Variants in RBMS3 observed in about 807,000 individuals in gnomAD.
RBMS3 encodes RNA-binding motif, single-stranded-interacting protein 3.
RBMS3 carries 27 observed loss-of-function variants against 66.8 expected under a neutral mutation model. That is an observed-to-expected ratio of 0.40 (90% CI 0.30 to 0.56). The LOEUF (loss-of-function observed/expected upper bound fraction) is 0.56. Among genes scored for constraint, RBMS3 ranks in the 20% least tolerant of loss-of-function variants. The probability of loss-of-function intolerance (pLI) is 0.40; values close to 1 mark genes in which losing one functional copy is unlikely to be tolerated. For missense variants in RBMS3, 513 were observed against 549.5 expected (o/e 0.93, Z 0.66); for synonymous variants, 188 against 183.0 (o/e 1.03, Z -0.22).
intron 1 of RBMS3, among the ~76,000 whole-genome samples, chr3:29,349,394 T>A (rs2036772086): frequency 6.6e-6 from 1 of 152,192 alleles, no homozygotes; most frequent in Non-Finnish European, 1.5e-5. Flanking sequence ...CCTTTCTACT[T>A]TGTGCCCAAA....
chr3:29,281,663 A>C lies in RBMS3; in HGVS notation c.-19A>C. ...CCTGTCATCCAGTTCCCTGCCTCGG[A>C]GATAAAGATTCCAGCTACATGGGCA... On this transcript the variant is annotated 5_prime_UTR_variant, in exon 1 of 15. Transcript: ENST00000383767. The C allele has an allele frequency of 6.2e-7, 1 of 1,607,862 alleles. No individual in the cohort carries two copies. Among genetic ancestry groups the C allele is most frequent in the South Asian group, 1.1e-5 (1 of 90,914 alleles).
chr3:29,991,971 C>G (rs943612936), intron 14 of RBMS3, among the ~76,000 whole-genome samples: 2 of 152,082 alleles, frequency 1.3e-5, no homozygotes, highest in African/African-American at 2.4e-5. Context: ...ATGCAAAGTA[C>G]ATTTGGCTTT....
At chr3:29,849,223 AAGC>A (rs1288894091) in intron 6 of RBMS3, among the ~76,000 whole-genome samples, 7 of 149,496 alleles carry the variant, frequency 4.7e-5, no homozygotes, top group Non-Finnish European at 9.0e-5. Context: ...TCACATATAA[AAGC>A]AGGCCAATGT....
At chr3:29,900,956 AG>A (rs2060237554) in intron 10 of RBMS3, among the ~76,000 whole-genome samples, 1 of 151,818 alleles carries the variant, frequency 6.6e-6, no homozygotes, top group Non-Finnish European at 1.5e-5. Context: ...ATATCTGAGC[AG>A]GGTCCATTTT....
At chr3:29,910,249 G>T (rs1291657022) in intron 10 of RBMS3, among the ~76,000 whole-genome samples, 1 of 151,882 alleles carries the variant, frequency 6.6e-6, no homozygotes, top group Non-Finnish European at 1.5e-5. Flanking sequence ...ATAGAGGTAG[G>T]GTAGATCATT....
chr3:29,980,255 T>C (rs573441849), intron 12 of RBMS3, among the ~76,000 whole-genome samples: 1 of 152,356 alleles, frequency 6.6e-6, no homozygotes, highest in Admixed American at 6.5e-5. Context: ...TGTCTGTTCA[T>C]ATCCTTCACC....
chr3:29,934,505 AG>A lies in RBMS3; in HGVS notation c.940-1579del, dbSNP rs766923231. Among the ~76,000 whole-genome samples, 21 of 152,164 alleles carry A rather than the reference AG, an allele frequency of 1.4e-4. No individual in the cohort carries two copies. In the South Asian group the frequency reaches 2.5e-3, roughly 18 times the overall value. ...AAAGATGGTTTTGTTAAAAAGATTC[AG>A]GCAGCAGAAAGAAAAGTGATGTGTC... is the stretch of plus-strand genomic sequence containing the variant. On this transcript the variant is annotated intron_variant, in intron 10 of 14. Transcript: ENST00000383767.
rs200831361 is a variant in RBMS3, at chr3:29,323,721, CACACA to C, written c.75+41966_75+41970del. 3.3e-3 allele frequency among the ~76,000 whole-genome samples: 490 copies of C among 150,646 alleles called. 3 individuals are homozygous for C. Among genetic ancestry groups the C allele is most frequent in the Non-Finnish European group, 4.3e-3 (290 of 67,554 alleles). On this transcript the variant is annotated intron_variant, in intron 1 of 14. Transcript: ENST00000383767. Reference sequence around the variant, plus strand: ...ACACACACACACACACACACACACACACACACCCCTTGGACTGAATTCTAGATGCA... The same window carrying C: ...ACACACACACACACACACACACACACCCCCTTGGACTGAATTCTAGATGCA...
chr3:29,440,686 G>A (rs1174251106), intron 2 of RBMS3, among the ~76,000 whole-genome samples: 1 of 152,204 alleles, frequency 6.6e-6, no homozygotes, highest in East Asian at 1.9e-4. Flanking sequence ...GAGAGCCGAA[G>A]GGTCTGCCCA....
chr3:29,310,301 TG>T (rs898168175), intron 1 of RBMS3, among the ~76,000 whole-genome samples: 1 of 151,698 alleles, frequency 6.6e-6, no homozygotes, highest in Non-Finnish European at 1.5e-5. Context: ...GTGAATAAGC[TG>T]GGGGGGCCCG....
chr3:29,468,221 T>C (rs1460391052), intron 2 of RBMS3, among the ~76,000 whole-genome samples: 3 of 152,184 alleles, frequency 2.0e-5, no homozygotes, highest in Non-Finnish European at 2.9e-5. Context: ...ATGCTGAAAT[T>C]GTTGATGTGC....
At chr3:29,800,353 A>G (rs12496468) in intron 6 of RBMS3, among the ~76,000 whole-genome samples, 30,421 of 152,100 alleles carry the variant, frequency 0.2, 3,849 homozygotes, top group Non-Finnish European at 0.29. Context: ...GCAGTTAAAG[A>G]CACATTATTA....
intron 1 of RBMS3, 148 bp from the exon 2 acceptor site, chr3:29,434,595 A>G: frequency 1.7e-6 from 2 of 1,151,274 alleles, no homozygotes; most frequent in Non-Finnish European, 2.4e-6. Context: ...TCTTGAATGC[A>G]ACAGAGAGTA....
At position 29,986,127 on chromosome 3, in the gene RBMS3, T is replaced by G. The variant is rs529012865; in HGVS notation, c.1099-2016T>G. Among the ~76,000 whole-genome samples the G allele has an allele frequency of 2.0e-5, 3 of 152,202 alleles. No individual in the cohort carries two copies. In the South Asian group the frequency reaches 6.2e-4, roughly 32 times the overall value. On this transcript the variant is annotated intron_variant, in intron 12 of 14. Coordinates refer to ENST00000383767, the MANE Select transcript of RBMS3 (RefSeq NM_001003793.3). ...AAATACTCAAATAGGTAAGGATTTG[T>G]CCTTTTACTAGTATATAGTAAACCT... is the stretch of plus-strand genomic sequence containing the variant.
rs145537293 is a variant in RBMS3 at position 29,473,984 on chromosome 3, G to A, written c.249-14457G>A. 4.9e-3 allele frequency among the ~76,000 whole-genome samples: 741 copies of A among 152,360 alleles called. 9 individuals are homozygous for A. The highest frequency in any genetic ancestry group is 0.017 in the African/African-American group (708 of 41,592). On this transcript the variant is annotated intron_variant, in intron 2 of 14. Transcript: ENST00000383767. ...TGGTGGGCTGAAGAGCTCCTCAAGC[G>A]CCACCAAAGTGGGAGTCCAGGCAGA...
intron 1 of RBMS3, among the ~76,000 whole-genome samples, chr3:29,282,402 G>A (rs2031885924): frequency 6.6e-6 from 1 of 152,126 alleles, no homozygotes; most frequent in African/African-American, 2.4e-5. Flanking sequence ...TAGCTGCCAT[G>A]AGGAGGCCTG....
At chr3:29,801,804 A>C (rs2057400049) in intron 6 of RBMS3, among the ~76,000 whole-genome samples, 1 of 152,120 alleles carries the variant, frequency 6.6e-6, no homozygotes, top group Non-Finnish European at 1.5e-5. Flanking sequence ...CTAGGCCTTA[A>C]AGACTGGCCT....
intron 11 of RBMS3, 40 bp downstream of exon 11, chr3:29,936,236 G>C: frequency 6.4e-7 from 1 of 1,551,022 alleles, no homozygotes. Context: ...GAACTTTTTT[G>C]ATCAGATGTG....
intron 6 of RBMS3, among the ~76,000 whole-genome samples, chr3:29,807,537 G>C (rs1484786968): frequency 1.3e-5 from 2 of 151,862 alleles, no homozygotes; most frequent in Non-Finnish European, 2.9e-5. Context: ...ATTCACTGCA[G>C]TATTGTTAGT....
Sources: allele counts gnomAD v4.1 joint callset (sites outside exome capture counted in the v4.1 genomes callset), GRCh38; gene constraint gnomAD v4.1.1; transcripts MANE v1.5; gene names NCBI Gene and HGNC (gene_info 2026-07-23, HGNC 2026-07-21).